Variants in ZNF148 observed in about 807,000 individuals in gnomAD.
ZNF148 encodes Beta-Enolase Repressor Factor-1.
In ZNF148, 7 loss-of-function variants were observed where a neutral mutation model predicts 67.7. That is an observed-to-expected ratio of 0.10 (90% CI 0.06 to 0.19). The LOEUF is 0.19. ZNF148 is among the 10% of genes least tolerant of loss of function. The pLI, the probability that ZNF148 is intolerant of heterozygous loss-of-function variation, is 1.00. For synonymous variants in ZNF148, 333 were observed against 330.7 expected, an observed-to-expected ratio of 1.01 and a Z score of -0.08; for missense variants, 583 against 947.1, an observed-to-expected ratio of 0.62 and a Z score of 5.05.
intron 4 of ZNF148, 108 bp from the exon 5 acceptor site, chr3:125,288,336 G>A: frequency 8.5e-7 from 1 of 1,170,532 alleles, no homozygotes; most frequent in Non-Finnish European, 1.2e-6. Context: ...GGTGCTTCCA[G>A]AATGATGATC....
chr3:125,244,296 G>T (rs551152643), intron 7 of ZNF148, among the ~76,000 whole-genome samples: 1 of 152,196 alleles, frequency 6.6e-6, no homozygotes, highest in East Asian at 1.9e-4. Flanking sequence ...AACTATATAT[G>T]AGAGAGTTAT....
At position 125,330,769 on chromosome 3, in the gene ZNF148, C is replaced by T. The variant is rs953305246; in HGVS notation, c.-153+389G>A. The stretch of plus-strand genomic sequence containing the variant: ...GACATATATGTAAACTCCTTGAAAA[C>T]TGTTAGATATCTTCTTTCATGTTGT... On this transcript the variant is annotated intron_variant, in intron 2 of 8. Transcript: ENST00000360647. 2.6e-5 allele frequency among the ~76,000 whole-genome samples: 4 copies of T among 152,056 alleles called. No individual in the cohort carries two copies. The East Asian group carries it at 7.7e-4, about 29-fold the overall frequency.
chr3:125,262,060 C>T (rs1462156623), intron 7 of ZNF148, among the ~76,000 whole-genome samples: 2 of 152,064 alleles, frequency 1.3e-5, no homozygotes, highest in Non-Finnish European at 2.9e-5. Flanking sequence ...TCAAAATTAG[C>T]ATTCCCTATC....
At chr3:125,301,939 C>T (rs1195204454) in intron 4 of ZNF148, among the ~76,000 whole-genome samples, 1 of 152,048 alleles carries the variant, frequency 6.6e-6, no homozygotes, top group African/African-American at 2.4e-5. Context: ...TGGCGGGCAT[C>T]TGGAATCCCA....
intron 1 of ZNF148, among the ~76,000 whole-genome samples, chr3:125,366,938 AT>A (rs748682655): frequency 6.6e-6 from 1 of 152,112 alleles, no homozygotes; most frequent in Non-Finnish European, 1.5e-5. Context: ...AATCAAATGC[AT>A]TTTCTGCCTT....
At chr3:125,238,870 T>C (rs762302149) in intron 7 of ZNF148, among the ~76,000 whole-genome samples, 153 of 152,162 alleles carry the variant, frequency 1.0e-3, no homozygotes, top group Non-Finnish European at 2.1e-3. Context: ...CAAGTGTCCA[T>C]CAACAGATGA....
chr3:125,295,793 T>C (rs893960441), intron 4 of ZNF148, among the ~76,000 whole-genome samples: 4 of 152,198 alleles, frequency 2.6e-5, no homozygotes, highest in African/African-American at 9.6e-5. Context: ...TAGTTCTTGA[T>C]GCTACTTAGT....
chr3:125,273,458 A>G (rs2107597904), intron 7 of ZNF148, among the ~76,000 whole-genome samples: 1 of 151,384 alleles, frequency 6.6e-6, no homozygotes, highest in East Asian at 1.9e-4. Context: ...ATTCTGAGTG[A>G]TTTAGTTTTT....
intron 4 of ZNF148, among the ~76,000 whole-genome samples, chr3:125,294,350 G>A (rs556786150): frequency 1.3e-5 from 2 of 152,282 alleles, no homozygotes; most frequent in Admixed American, 1.3e-4. Flanking sequence ...AACAAGGTCT[G>A]TAGTTTAATA....
chr3:125,313,686 A>G (rs759933621), intron 3 of ZNF148, 30 bp from the exon 4 acceptor site: 19 of 1,534,886 alleles, frequency 1.2e-5, no homozygotes, highest in Non-Finnish European at 4.4e-6. Flanking sequence ...AACAAAACAT[A>G]GTAAATTAGT....
chr3:125,372,845 A>G (rs1205618335), intron 1 of ZNF148, among the ~76,000 whole-genome samples: 1 of 152,122 alleles, frequency 6.6e-6, no homozygotes, highest in Non-Finnish European at 1.5e-5. Context: ...AGGCACCTTT[A>G]GTCCCAGCTA....
At chr3:125,244,353 A>G (rs985602899) in intron 7 of ZNF148, among the ~76,000 whole-genome samples, 13 of 152,222 alleles carry the variant, frequency 8.5e-5, no homozygotes, top group African/African-American at 2.9e-4. Context: ...GGTTTGACAT[A>G]CTAATCTGAT....
rs116748782 is a variant in ZNF148 at position 125,262,565 on chromosome 3, G to T, written c.667+15161C>A. On this transcript the variant is annotated intron_variant, in intron 7 of 8. Transcript: ENST00000360647. ...TCACATATAAACACTGGTTTCCCTTGTAATAACAGGCTGAATTTATTAAGA... is the reference window on the plus strand; with the variant it reads ...TCACATATAAACACTGGTTTCCCTTTTAATAACAGGCTGAATTTATTAAGA... Among the ~76,000 whole-genome samples, 817 of 152,262 alleles carry T rather than the reference G, an allele frequency of 5.4e-3. 6 individuals are homozygous for T. Among genetic ancestry groups the T allele is most frequent in the African/African-American group, 0.019 (771 of 41,550 alleles).
intron 3 of ZNF148, among the ~76,000 whole-genome samples, chr3:125,315,238 A>G (rs1272239692): frequency 6.6e-6 from 1 of 152,176 alleles, no homozygotes; most frequent in Non-Finnish European, 1.5e-5. Context: ...CTTAAGAATC[A>G]ACTGGTGAAA....
intron 1 of ZNF148, among the ~76,000 whole-genome samples, chr3:125,340,797 TAAA>T: frequency 6.6e-6 from 1 of 151,348 alleles, no homozygotes; most frequent in Non-Finnish European, 1.5e-5. Context: ...CCATCCCGGC[TAAA>T]ACGGTGAAAC....
At chr3:125,321,951 T>C (rs1330268837) in intron 3 of ZNF148, among the ~76,000 whole-genome samples, 2 of 151,916 alleles carry the variant, frequency 1.3e-5, no homozygotes, top group East Asian at 3.8e-4. Context: ...ATGGTTATTT[T>C]TAATACATAC....
intron 7 of ZNF148, among the ~76,000 whole-genome samples, chr3:125,272,642 T>C (rs1251239090): frequency 1.3e-5 from 2 of 150,806 alleles, no homozygotes; most frequent in Non-Finnish European, 3.0e-5. Context: ...TATATTTAAT[T>C]ACACCATACT....
In ZNF148 at chr3:125,270,811, G is replaced by A. The variant is rs369078406; in HGVS notation, c.667+6915C>T. ...GGATTGCTTGAGCCCAGGAGGTGGA[G>A]GCTGCAGTGAGCTATGATCATGCCA... On this transcript the variant is annotated intron_variant, in intron 7 of 8. Coordinates refer to ENST00000360647, the MANE Select transcript of ZNF148 (RefSeq NM_021964.3). 8.7e-4 allele frequency among the ~76,000 whole-genome samples: 133 copies of A among 152,258 alleles called. 1 individual carries two copies. Among genetic ancestry groups the A allele is most frequent in the African/African-American group, 3.1e-3 (130 of 41,546 alleles).
intron 1 of ZNF148, among the ~76,000 whole-genome samples, chr3:125,343,194 G>A (rs756250883): frequency 6.6e-5 from 10 of 152,116 alleles, no homozygotes; most frequent in African/African-American, 1.7e-4. Context: ...ATGCTTTTAC[G>A]TGTTTTGGTT....
Sources: gnomAD v4.1 joint callset for allele counts (sites outside exome capture counted in the v4.1 genomes callset) on GRCh38, gnomAD v4.1.1 for gene constraint, MANE v1.5 for transcripts, NCBI Gene and HGNC (gene_info 2026-07-23, HGNC 2026-07-21) for gene names.